The following GPR149 variants were observed in gnomAD, a reference collection of about 807,000 sequenced individuals.
GPR149 encodes probable G protein-coupled receptor 149.
In GPR149, 50 loss-of-function variants were observed where a neutral mutation model predicts 50.2. The observed-to-expected ratio is 1.00, with a 90% CI of 0.79 to 1.26. The LOEUF is 1.26. Among genes scored for constraint, GPR149 ranks in the 50% most tolerant of loss-of-function variants. The pLI is 0.00. For missense variants in GPR149, 983 were observed against 895.4 expected (o/e 1.10, Z -1.25); for synonymous variants, 405 against 358.2 (o/e 1.13, Z -1.48).
intron 3 of GPR149, among the ~76,000 whole-genome samples, chr3:154,342,735 A>C (rs1160268823): frequency 5.3e-5 from 8 of 151,968 alleles, no homozygotes; most frequent in African/African-American, 1.9e-4. Context: ...AGTAAGTAAA[A>C]ACAATGGTCA....
At chr3:154,374,278 G>A (rs1370866137) in intron 3 of GPR149, among the ~76,000 whole-genome samples, 6 of 147,918 alleles carry the variant, frequency 4.1e-5, no homozygotes, top group African/African-American at 7.4e-5. Context: ...GGGTTCAAGC[G>A]ATTCTTGTGC....
intron 3 of GPR149, among the ~76,000 whole-genome samples, chr3:154,355,650 C>G (rs988746871): frequency 6.6e-6 from 1 of 152,098 alleles, no homozygotes; most frequent in African/African-American, 2.4e-5. Flanking sequence ...AAAGCATACA[C>G]TGATTGTAAT....
At position 154,337,631 on chromosome 3, in the gene GPR149, T is replaced by C; in HGVS notation, c.*68A>G. 1.7e-6 allele frequency: 2 copies of C among 1,189,602 alleles called. No individual in the cohort carries two copies. Among genetic ancestry groups the C allele is most frequent in the Non-Finnish European group, 2.4e-6 (2 of 847,970 alleles). The allele number at this position is 1,189,602 out of a possible 1,614,324, so 73.7% of individuals were successfully genotyped here. On this transcript the variant is annotated 3_prime_UTR_variant, in exon 4 of 4. Transcript: ENST00000389740. The stretch of plus-strand genomic sequence containing the variant: ...AACAAATAAAAGGAAATCAGTCTCA[T>C]AACAAAGGTGTTAGTTTCACAGTTG...
chr3:154,387,163 A>C (rs897915545), intron 3 of GPR149, among the ~76,000 whole-genome samples: 4 of 152,206 alleles, frequency 2.6e-5, no homozygotes, highest in African/African-American at 4.8e-5. Context: ...GGTGTTGAGC[A>C]CACTCTCTTC....
chr3:154,346,752 T>C (rs941260116), intron 3 of GPR149, among the ~76,000 whole-genome samples: 1 of 152,020 alleles, frequency 6.6e-6, no homozygotes, highest in Non-Finnish European at 1.5e-5. Context: ...TGCCCCACCA[T>C]GCCTGGCTAA....
At chr3:154,371,739 G>C (rs895069306) in intron 3 of GPR149, among the ~76,000 whole-genome samples, 1 of 152,142 alleles carries the variant, frequency 6.6e-6, no homozygotes, top group Non-Finnish European at 1.5e-5. Context: ...AAAGAAATAA[G>C]AGAACAAATA....
At chr3:154,363,357 G>C (rs1028901747) in intron 3 of GPR149, among the ~76,000 whole-genome samples, 1 of 151,740 alleles carries the variant, frequency 6.6e-6, no homozygotes, top group Non-Finnish European at 1.5e-5. Flanking sequence ...TTGAATAATT[G>C]GCCTCCTGGT....
intron 3 of GPR149, among the ~76,000 whole-genome samples, chr3:154,368,947 A>G (rs868789162): frequency 1.3e-5 from 2 of 152,344 alleles, no homozygotes; most frequent in Middle Eastern, 3.4e-3. Flanking sequence ...CAATAAATCC[A>G]ACAGTCCTTG....
At chr3:154,398,790 G>A (rs910473892) in intron 3 of GPR149, among the ~76,000 whole-genome samples, 4 of 152,092 alleles carry the variant, frequency 2.6e-5, no homozygotes, top group Admixed American at 2.0e-4. Context: ...AATACCATTT[G>A]TTCATGGATG....
In GPR149 at chr3:154,388,869, AAAACAC is replaced by A. The variant is rs1238431497; in HGVS notation, c.1623+32164_1623+32169del. ...TTATGGTAACATTTCACACATATGA[AAAACAC>A]ACACACACACACACACACACACACA... On this transcript the variant is annotated intron_variant, in intron 3 of 3. Transcript: ENST00000389740. Among the ~76,000 whole-genome samples, 75 of 121,426 alleles carry A rather than the reference AAAACAC, an allele frequency of 6.2e-4. No individual in the cohort carries two copies. The East Asian group carries it at 6.7e-3, about 11-fold the overall frequency. 79.7% of individuals were successfully genotyped at this position (121,426 alleles called of 152,430 possible). A position where few individuals can be genotyped will look rare whatever the true frequency, so the allele number is the denominator to read the frequency against.
intron 3 of GPR149, among the ~76,000 whole-genome samples, chr3:154,350,320 A>T (rs1576900069): frequency 6.6e-6 from 1 of 152,336 alleles, no homozygotes; most frequent in South Asian, 2.1e-4. Flanking sequence ...TCGACAAAAA[A>T]TCCTCAAGCT....
chr3:154,351,809 AG>A (rs1395672791), intron 3 of GPR149, among the ~76,000 whole-genome samples: 1 of 152,234 alleles, frequency 6.6e-6, no homozygotes, highest in African/African-American at 2.4e-5. Flanking sequence ...TTTCAGTGGA[AG>A]GAATAATAGA....
Position 154,421,393 on chromosome 3 carries a change from A to C in GPR149, c.1269T>G (p.Asn423Lys), listed in dbSNP as rs182928013. The C allele has an allele frequency of 1.9e-4, 311 of 1,611,790 alleles. 2 individuals carry two copies. The East Asian group carries it at 6.8e-3, about 35-fold the overall frequency. Residue 423 changes from asparagine to lysine, a missense_variant, in exon 3 of 4, where the codon AAT becomes AAG. Asn to Lys is a moderately conservative substitution (Grantham distance 94). Transcript: ENST00000389740. ...TCATCAGGTTGTGATAGAATATGGA[A>C]TTTTCATCATCATCATAGTAATCTT... ...AHEDYYDDDE[N>K]SIFYHNLMNS... is the part of the protein sequence containing the mutation.
chr3:154,421,341 G>T lies in GPR149; in HGVS notation c.1321C>A (p.Pro441Thr), dbSNP rs776804882. 5.6e-6 allele frequency: 9 copies of T among 1,613,122 alleles called. No individual in the cohort carries two copies. The highest frequency in any genetic ancestry group is 7.6e-6 in the Non-Finnish European group (9 of 1,179,414). The change falls in exon 3 of 4, where the codon CCT becomes ACT. Residue 441 changes from proline to threonine, a missense_variant. Pro to Thr is a conservative substitution (Grantham distance 38). Coordinates refer to ENST00000389740, the MANE Select transcript of GPR149 (RefSeq NM_001038705.3). ...AAGATGTTACGGTTGTCTCTCTGAG[G>T]GTCTTTTGTAGTTTCACACTCAGAG... is the stretch of plus-strand genomic sequence containing the variant. The part of the protein sequence containing the change: ...MNSECETTKD[P>T]QRDNRNIFNA...
chr3:154,366,530 C>T (rs1489396588), intron 3 of GPR149, among the ~76,000 whole-genome samples: 1 of 152,172 alleles, frequency 6.6e-6, no homozygotes, highest in African/African-American at 2.4e-5. Flanking sequence ...CAAAAAGAGA[C>T]ATTTACATCT....
intron 3 of GPR149, among the ~76,000 whole-genome samples, chr3:154,388,561 T>A (rs533746806): frequency 1.3e-5 from 2 of 152,248 alleles, no homozygotes; most frequent in African/African-American, 4.8e-5. Context: ...TTAGGAGTAA[T>A]TTTCTGGTAC....
intron 3 of GPR149, among the ~76,000 whole-genome samples, chr3:154,349,337 A>G (rs1714011113): frequency 6.6e-6 from 1 of 152,188 alleles, no homozygotes; most frequent in South Asian, 2.1e-4. Context: ...TAACAGATCA[A>G]TAAAATTGAA....
chr3:154,416,501 G>A (rs1711993433), intron 3 of GPR149, among the ~76,000 whole-genome samples: 1 of 151,774 alleles, frequency 6.6e-6, no homozygotes, highest in Non-Finnish European at 1.5e-5. Context: ...GCTCAAAATA[G>A]TCTAGCTGGC....
At chr3:154,356,951 C>T (rs1256064780) in intron 3 of GPR149, among the ~76,000 whole-genome samples, 1 of 152,124 alleles carries the variant, frequency 6.6e-6, no homozygotes, top group South Asian at 2.1e-4. Context: ...CCTACAGTAA[C>T]CAAAACAGCA....
Sources: gnomAD v4.1 joint callset for allele counts (sites outside exome capture counted in the v4.1 genomes callset) on GRCh38, gnomAD v4.1.1 for gene constraint, MANE v1.5 for transcripts, NCBI Gene and HGNC (gene_info 2026-07-23, HGNC 2026-07-21) for gene names.